SFRP1: variants seen among roughly 807,000 people sequenced by gnomAD.
The protein encoded by SFRP1 is secreted frizzled related protein 1.
A neutral mutation model predicts 25.9 loss-of-function variants in SFRP1; 9 were observed. The ratio of observed to expected loss-of-function variants is 0.35; its 90% CI spans 0.21 to 0.61. SFRP1 has a LOEUF of 0.61. Ranked by LOEUF, SFRP1 falls within the 20% of genes least tolerant of loss-of-function variation. The pLI is 0.78. For synonymous variants in SFRP1, 178 were observed against 174.0 expected, an observed-to-expected ratio of 1.02 and a Z score of -0.18; for missense variants, 346 against 418.2, an observed-to-expected ratio of 0.83 and a Z score of 1.51.
intron 2 of SFRP1, among the ~76,000 whole-genome samples, chr8:41,277,947 T>C (rs757611515): frequency 1.1e-4 from 17 of 152,222 alleles, no homozygotes; most frequent in Non-Finnish European, 2.1e-4. Context: ...CAAGTGATGT[T>C]AATGCTGCTG....
At chr8:41,308,495 G>A in intron 1 of SFRP1, 121 bp downstream of exon 1, 1 of 769,698 alleles carries the variant, frequency 1.3e-6, no homozygotes, top group Non-Finnish European at 2.1e-6. Flanking sequence ...GCAACCTCGG[G>A]CCCTCAGTCC....
intron 2 of SFRP1, among the ~76,000 whole-genome samples, chr8:41,299,098 C>G (rs796771289): frequency 2.0e-5 from 3 of 152,050 alleles, no homozygotes; most frequent in East Asian, 3.9e-4. Context: ...GCCTACCCCC[C>G]CAACCCCCCA....
chr8:41,297,215 T>C (rs1803854717), intron 2 of SFRP1, among the ~76,000 whole-genome samples: 1 of 152,130 alleles, frequency 6.6e-6, no homozygotes. Context: ...AGCTAATTTT[T>C]GTATTTTTAG....
rs114194821 is a variant in SFRP1 at position 41,266,716 on chromosome 8, C to T, written c.623-1227G>A. On this transcript the variant is annotated intron_variant, in intron 2 of 2. Transcript: ENST00000220772. ...TTGGGATTACAGGCATGAGTCACCA[C>T]GCCTGACCATGAGGGTTTCTTTTTG... Among the ~76,000 whole-genome samples the T allele has an allele frequency of 9.5e-3, 1,450 of 152,146 alleles. 22 individuals are homozygous for T. Among genetic ancestry groups the T allele is most frequent in the African/African-American group, 0.033 (1,370 of 41,484 alleles).
At position 41,265,138 on chromosome 8, in the gene SFRP1, G is replaced by GGCC; in HGVS notation, c.*28_*29insGGC. On this transcript the variant is annotated 3_prime_UTR_variant, in exon 3 of 3. Transcript: ENST00000220772. ...CCCCCCCGCTCCCACCCCACCCGAG[G>GGCC]CTCCCTCCCCACCCTGCCCCCGGGA... The GGCC allele has an allele frequency of 5.3e-5, 27 of 508,948 alleles. No individual in the cohort carries two copies. Among genetic ancestry groups the GGCC allele is most frequent in the South Asian group, 1.6e-4 (8 of 50,514 alleles). The allele number at this position is 508,948 out of a possible 1,614,324, so 31.5% of individuals were successfully genotyped here. A position where few individuals can be genotyped will look rare whatever the true frequency, so the allele number is the denominator to read the frequency against.
At chr8:41,285,642 T>A (rs986652772) in intron 2 of SFRP1, among the ~76,000 whole-genome samples, 13 of 151,964 alleles carry the variant, frequency 8.6e-5, no homozygotes, top group African/African-American at 2.9e-4. Context: ...AGGACCACAG[T>A]CAGATACAAC....
chr8:41,295,500 G>T lies in SFRP1; in HGVS notation c.622+7961C>A, dbSNP rs528850985. On this transcript the variant is annotated intron_variant, in intron 2 of 2. Transcript: ENST00000220772. ...GCTAAGATCACACCACTGCACACCA[G>T]CCTCAGCGACAAGAGCAAGAGGCTG... is the stretch of plus-strand genomic sequence containing the variant. Among the ~76,000 whole-genome samples, 12 of 149,730 alleles carry T rather than the reference G, an allele frequency of 8.0e-5. No homozygotes were observed. The South Asian group carries it at 2.5e-3, about 32-fold the overall frequency.
intron 2 of SFRP1, among the ~76,000 whole-genome samples, chr8:41,299,972 G>T (rs1803895061): frequency 6.6e-6 from 1 of 152,210 alleles, no homozygotes; most frequent in Non-Finnish European, 1.5e-5. Flanking sequence ...CTCTCAGGCA[G>T]CCTGCAGGTG....
chr8:41,270,249 C>T (rs1803487640), intron 2 of SFRP1, among the ~76,000 whole-genome samples: 2 of 152,228 alleles, frequency 1.3e-5, no homozygotes, highest in East Asian at 1.9e-4. Context: ...AGACTGAGCC[C>T]GTGCAATCAT....
chr8:41,297,794 A>C (rs1335509900), intron 2 of SFRP1, among the ~76,000 whole-genome samples: 1 of 151,970 alleles, frequency 6.6e-6, no homozygotes, highest in African/African-American at 2.4e-5. Context: ...CCCACCAAGA[A>C]GGGAGCCAAT....
intron 2 of SFRP1, among the ~76,000 whole-genome samples, chr8:41,275,808 G>A (rs192580777): frequency 1.3e-5 from 2 of 152,316 alleles, no homozygotes; most frequent in East Asian, 1.9e-4. Context: ...GTGCAGTGGC[G>A]CCATCACAGC....
intron 1 of SFRP1, among the ~76,000 whole-genome samples, chr8:41,305,310 G>C (rs1186854472): frequency 6.6e-6 from 1 of 152,204 alleles, no homozygotes; most frequent in East Asian, 1.9e-4. Context: ...ATCTCCTCTG[G>C]ACACTTGAAG....
chr8:41,306,249 A>C (rs1355728932), intron 1 of SFRP1, among the ~76,000 whole-genome samples: 1 of 152,226 alleles, frequency 6.6e-6, no homozygotes, highest in Admixed American at 6.5e-5. Flanking sequence ...CCAATAATCC[A>C]AAACTGAATT....
At chr8:41,273,891 TCAGCTGCGAGGG>T (rs1338824077) in intron 2 of SFRP1, among the ~76,000 whole-genome samples, 1 of 152,066 alleles carries the variant, frequency 6.6e-6, no homozygotes, top group East Asian at 1.9e-4. Context: ...CACCACCCAA[TCAGCTGCGAGGG>T]CAGTCAGAAT....
chr8:41,298,139 A>G (rs1803866682), intron 2 of SFRP1: 1 of 152,196 alleles, frequency 6.6e-6, no homozygotes, highest in East Asian at 1.9e-4. Context: ...ACACAGCTTT[A>G]CAATGGCAAA....
At chr8:41,280,383 GTCAAAGCTGGCCTTACCTCTATTTTC>G (rs1439623696) in intron 2 of SFRP1, among the ~76,000 whole-genome samples, 16 of 152,230 alleles carry the variant, frequency 1.1e-4, no homozygotes, top group Non-Finnish European at 1.9e-4. Flanking sequence ...CCGGTCCTAT[GTCAAAGCTGGCCTTACCTCTATTTTC>G]TGGAATTCGC....
chr8:41,269,904 G>C (rs1290618985), intron 2 of SFRP1, among the ~76,000 whole-genome samples: 3 of 152,216 alleles, frequency 2.0e-5, no homozygotes, highest in African/African-American at 7.2e-5. Context: ...GCCTTCGTCA[G>C]GTGAAAGGAA....
chr8:41,291,889 G>C (rs1037337646), intron 2 of SFRP1, among the ~76,000 whole-genome samples: 1 of 152,172 alleles, frequency 6.6e-6, no homozygotes, highest in African/African-American at 2.4e-5. Flanking sequence ...GGAGAAGCCT[G>C]TGACAAACCC....
Position 41,295,529 on chromosome 8 carries a change from C to CAA in SFRP1, c.622+7930_622+7931dup, listed in dbSNP as rs11408385. On this transcript the variant is annotated intron_variant, in intron 2 of 2. Transcript: ENST00000220772. ...CAGCGACAAGAGCAAGAGGCTGTCT[C>CAA]AAAAAAAAAAAAAAATTCACTACAG... is the stretch of plus-strand genomic sequence containing the variant. Among the ~76,000 whole-genome samples the CAA allele has an allele frequency of 9.8e-3, 1,401 of 142,858 alleles. 19 individuals carry two copies. The highest frequency in any genetic ancestry group is 0.041 in the East Asian group (196 of 4,762). 93.7% of individuals were successfully genotyped at this position (142,858 alleles called of 152,430 possible). A position where few individuals can be genotyped will look rare whatever the true frequency, so the allele number is the denominator to read the frequency against.
Sources: allele counts gnomAD v4.1 joint callset (sites outside exome capture counted in the v4.1 genomes callset), GRCh38; gene constraint gnomAD v4.1.1; transcripts MANE v1.5; gene names NCBI Gene and HGNC (gene_info 2026-07-23, HGNC 2026-07-21).